UNC5B: variants seen among roughly 807,000 people sequenced by gnomAD.
UNC5B encodes unc-5 netrin receptor B, also known as netrin receptor UNC5B.
In UNC5B, 56 loss-of-function variants were observed where a neutral mutation model predicts 103.7. The observed-to-expected ratio is 0.54, with a 90% confidence interval of 0.44 to 0.67. The LOEUF is 0.67. Ranked by LOEUF, UNC5B falls within the 30% of genes least tolerant of loss-of-function variation. The pLI is 0.00. For missense variants in UNC5B, 1,194 were observed against 1,284.5 expected (o/e 0.93, Z 1.08); for synonymous variants, 577 against 542.0 (o/e 1.06, Z -0.90).
At chr10:71,239,251 A>G (rs1275423348) in intron 1 of UNC5B, among the ~76,000 whole-genome samples, 1 of 152,176 alleles carries the variant, frequency 6.6e-6, no homozygotes, top group African/African-American at 2.4e-5. Context: ...GTAGTGGGGC[A>G]GGTTTTAGCA....
At chr10:71,223,595 C>T (rs548035751) in intron 1 of UNC5B, among the ~76,000 whole-genome samples, 3 of 152,214 alleles carry the variant, frequency 2.0e-5, no homozygotes, top group Admixed American at 2.0e-4. Flanking sequence ...GTTTTGCAGT[C>T]AAGTGCCCTG....
chr10:71,251,374 T>C (rs1844168011), intron 1 of UNC5B, among the ~76,000 whole-genome samples: 1 of 152,154 alleles, frequency 6.6e-6, no homozygotes, highest in Non-Finnish European at 1.5e-5. Context: ...CACCTTTTGA[T>C]ATAGTAGGTG....
chr10:71,265,783 C>T (rs1046275059), intron 1 of UNC5B, among the ~76,000 whole-genome samples: 3 of 152,192 alleles, frequency 2.0e-5, no homozygotes, highest in Non-Finnish European at 2.9e-5. Flanking sequence ...TGGTAAGGGC[C>T]TGCCCAGCCT....
At chr10:71,251,160 T>C (rs1291950637) in intron 1 of UNC5B, among the ~76,000 whole-genome samples, 3 of 152,166 alleles carry the variant, frequency 2.0e-5, no homozygotes, top group Non-Finnish European at 4.4e-5. Context: ...GAGTGGGTAA[T>C]CTGTCAGAGG....
At chr10:71,292,266 G>A (rs763202914) in intron 10 of UNC5B, among the ~76,000 whole-genome samples, 5 of 152,164 alleles carry the variant, frequency 3.3e-5, no homozygotes, top group Non-Finnish European at 5.9e-5. Context: ...AGAGACCCCT[G>A]TCTTCCTAGA....
chr10:71,230,886 A>T (rs1454077105), intron 1 of UNC5B, among the ~76,000 whole-genome samples: 1 of 152,248 alleles, frequency 6.6e-6, no homozygotes, highest in African/African-American at 2.4e-5. Flanking sequence ...TGGCTGGAAC[A>T]CACAGGTTGT....
intron 1 of UNC5B, among the ~76,000 whole-genome samples, chr10:71,260,098 T>C (rs1844382415): frequency 6.6e-6 from 1 of 152,202 alleles, no homozygotes; most frequent in African/African-American, 2.4e-5. Flanking sequence ...GAGGCACTGA[T>C]GCCCTCTCCT....
chr10:71,285,075 G>A (rs1439349930), intron 3 of UNC5B, among the ~76,000 whole-genome samples: 1 of 152,220 alleles, frequency 6.6e-6, no homozygotes, highest in Non-Finnish European at 1.5e-5. Context: ...TATAAAAGAA[G>A]CTGGCAGCTT....
At chr10:71,297,743 G>A (rs1219625267) in intron 15 of UNC5B, among the ~76,000 whole-genome samples, 166 bp from the exon 16 acceptor site, 1 of 152,234 alleles carries the variant, frequency 6.6e-6, no homozygotes, top group African/African-American at 2.4e-5. Flanking sequence ...CCTTGCCCTT[G>A]GGAACCGACC....
At chr10:71,297,737 G>A (rs1163365121) in intron 15 of UNC5B, among the ~76,000 whole-genome samples, 172 bp from the exon 16 acceptor site, 1 of 152,244 alleles carries the variant, frequency 6.6e-6, no homozygotes, top group African/African-American at 2.4e-5. Context: ...TGCAGGCCTT[G>A]CCCTTGGGAA....
chr10:71,260,778 A>T (rs1344185904), intron 1 of UNC5B, among the ~76,000 whole-genome samples: 1 of 152,226 alleles, frequency 6.6e-6, no homozygotes, highest in African/African-American at 2.4e-5. Context: ...AAGGAGACTG[A>T]GTCACTGCAG....
At chr10:71,217,425 CCG>C (rs1411776131) in intron 1 of UNC5B, 7 of 152,176 alleles carry the variant, frequency 4.6e-5, no homozygotes, top group African/African-American at 1.7e-4. Flanking sequence ...GGCTTTTCCG[CCG>C]GCTCCATGCA....
chr10:71,275,225 T>C (rs546462115), intron 1 of UNC5B, among the ~76,000 whole-genome samples: 1 of 152,350 alleles, frequency 6.6e-6, no homozygotes, highest in East Asian at 1.9e-4. Flanking sequence ...GCTGCACTTT[T>C]GCAATTTAGG....
intron 1 of UNC5B, among the ~76,000 whole-genome samples, chr10:71,271,235 C>T (rs1005013692): frequency 2.6e-5 from 4 of 152,258 alleles, no homozygotes; most frequent in African/African-American, 9.6e-5. Context: ...CGCCCTTTCA[C>T]TCTTCTGCCT....
intron 8 of UNC5B, among the ~76,000 whole-genome samples, chr10:71,290,314 T>C (rs1845213375): frequency 6.6e-6 from 1 of 152,104 alleles, no homozygotes; most frequent in Admixed American, 6.5e-5. Context: ...GAGGAAAGTG[T>C]AGCCGTGGGT....
In UNC5B at chr10:71,276,967, G is replaced by A. The variant is rs116450778; in HGVS notation, c.80-2854G>A. On this transcript the variant is annotated intron_variant, in intron 1 of 16. Transcript: ENST00000335350. Reference sequence around the variant, plus strand: ...GGCACAGAGGGGACACTTGGCCTGCGCCCCTGCCAAGGCCAGAGCTGAATC... The same window carrying A: ...GGCACAGAGGGGACACTTGGCCTGCACCCCTGCCAAGGCCAGAGCTGAATC... Among the ~76,000 whole-genome samples, 552 of 152,336 alleles carry A rather than the reference G, an allele frequency of 3.6e-3. 3 individuals are homozygous for A. Among genetic ancestry groups the A allele is most frequent in the Middle Eastern group, 0.014 (4 of 294 alleles).
At chr10:71,249,275 A>G (rs1477163850) in intron 1 of UNC5B, among the ~76,000 whole-genome samples, 1 of 152,226 alleles carries the variant, frequency 6.6e-6, no homozygotes, top group African/African-American at 2.4e-5. Flanking sequence ...CCTGGGCACC[A>G]GTAACCTGGC....
At chr10:71,248,753 C>G (rs191550332) in intron 1 of UNC5B, among the ~76,000 whole-genome samples, 69 of 152,182 alleles carry the variant, frequency 4.5e-4, no homozygotes, top group Non-Finnish European at 1.2e-4. Context: ...CAGGGGTACA[C>G]AGCAGAGGAT....
In UNC5B at chr10:71,291,677, G is replaced by C. The variant is rs202076199; in HGVS notation, c.1540G>C (p.Asp514His). ...GVLPPGTYPS[D>H]FARDTHFLHL... Reference sequence around the variant, plus strand: ...CTTGCCGCCTGGCACATACCCTAGCGATTTCGCCCGGGACACCCACTTCCT... The same window carrying C: ...CTTGCCGCCTGGCACATACCCTAGCCATTTCGCCCGGGACACCCACTTCCT... Residue 514 changes from aspartate to histidine, a missense_variant, in exon 10 of 17, where the codon GAT (aspartate) becomes CAT (histidine). By Grantham distance (81) the Asp-to-His change is moderately conservative (BLOSUM62 -1). Transcript: ENST00000335350. The C allele has an allele frequency of 2.5e-6, 4 of 1,613,490 alleles. No individual in the cohort carries two copies. The Admixed American group carries it at 6.7e-5, about 27-fold the overall frequency.
Sources: gnomAD v4.1 joint callset for allele counts (sites outside exome capture counted in the v4.1 genomes callset) on GRCh38, gnomAD v4.1.1 for gene constraint, MANE v1.5 for transcripts, NCBI Gene and HGNC (gene_info 2026-07-23, HGNC 2026-07-21) for gene names.